Variants in SP7 observed in about 807,000 individuals in gnomAD.
The protein encoded by SP7 is transcription factor Sp7.
A neutral mutation model predicts 27.9 loss-of-function variants in SP7; 13 were observed. The ratio of observed to expected loss-of-function variants is 0.47; its 90% CI spans 0.30 to 0.74. The LOEUF (loss-of-function observed/expected upper bound fraction) is 0.74. SP7 is among the 30% of genes least tolerant of loss of function. The pLI is 0.06. For missense variants in SP7, 525 were observed against 558.0 expected, an observed-to-expected ratio of 0.94 and a Z score of 0.60; for synonymous variants, 219 against 226.7, an observed-to-expected ratio of 0.97 and a Z score of 0.31.
chr12:53,332,693 A>G (rs1944719607), intron 2 of SP7, among the ~76,000 whole-genome samples: 1 of 152,210 alleles, frequency 6.6e-6, no homozygotes, highest in South Asian at 2.1e-4. Flanking sequence ...TGGGCTAGAA[A>G]AGCAAAGGAA....
At chr12:53,342,170 G>C (rs1229354146) in intron 1 of SP7, among the ~76,000 whole-genome samples, 2 of 151,960 alleles carry the variant, frequency 1.3e-5, no homozygotes, top group Non-Finnish European at 2.9e-5. Context: ...GGCTGAGGTA[G>C]GAGAATCACT....
rs7138938 is a variant in SP7 at position 53,328,314 on chromosome 12, A to C, written c.1128T>G (p.His376Gln). 6.2e-7 allele frequency: 1 copy of C among 1,611,134 alleles called. No homozygotes were observed. The highest frequency in any genetic ancestry group is 8.5e-7 in the Non-Finnish European group (1 of 1,178,226). ...SDHLSKHQRT[H>Q]GEPGPGPPPS... ...GAGGGGGACCCGGGCCTGGTTCTCC[A>C]TGGGTGCGCTGGTGTTTGCTCAGGT... The change falls in exon 3 of 3, where the codon CAT becomes CAG. Residue 376 changes from histidine (H) to glutamine (Q), a missense_variant. Coordinates refer to ENST00000536324, the MANE Select transcript of SP7 (RefSeq NM_001173467.3). This position sits in a 1 kb window ranked among gnomAD's most constrained non-coding sequence, Gnocchi z 5.1.
chr12:53,342,848 A>AAAAAT (rs1374886661), intron 1 of SP7, among the ~76,000 whole-genome samples: 2 of 151,118 alleles, frequency 1.3e-5, no homozygotes, highest in Admixed American at 6.6e-5. Flanking sequence ...AATAAATAAT[A>AAAAAT]AAAATAAAAT....
chr12:53,335,417 C>T (rs1944755627), intron 2 of SP7, among the ~76,000 whole-genome samples: 2 of 151,820 alleles, frequency 1.3e-5, no homozygotes, highest in African/African-American at 4.8e-5. Flanking sequence ...TTCCACTGCC[C>T]TCTGACCCCT....
chr12:53,340,938 G>T (rs769191299), upstream of SP7, among the ~76,000 whole-genome samples: 9 of 152,268 alleles, frequency 5.9e-5, no homozygotes, highest in Middle Eastern at 3.4e-3. Context: ...ATCCATTCAT[G>T]GCCTCAGGAT....
chr12:53,331,224 C>A (rs1241330561), intron 2 of SP7, among the ~76,000 whole-genome samples: 1 of 152,108 alleles, frequency 6.6e-6, no homozygotes, highest in Admixed American at 6.5e-5. Flanking sequence ...GTAATCCCAG[C>A]ACTTTGGGAA....
Position 53,328,530 on chromosome 12 carries a change from C to T in SP7, c.912G>A (p.Val304=), listed in dbSNP as rs1320472245. The T allele has an allele frequency of 1.9e-6, 3 of 1,613,230 alleles. No homozygotes were observed. The highest frequency in any genetic ancestry group is 1.7e-6 in the Non-Finnish European group (2 of 1,179,302). The change falls in exon 3 of 3, where the codon GTG becomes GTA. Residue 304 remains valine, a synonymous_variant. Coordinates refer to ENST00000536324, the MANE Select transcript of SP7 (RefSeq NM_001173467.3). This position sits in a 1 kb window ranked among gnomAD's most constrained non-coding sequence, Gnocchi z 5.1. The part of the protein sequence containing the change: ...HSCHIPGCGK[V]YGKASHLKAH... ...CCTTCAGGTGCGAAGCCTTGCCATA[C>T]ACCTTGCCGCAGCCAGGGATGTGGC...
chr12:53,335,757 G>A lies in SP7; in HGVS notation c.-47-64C>T, dbSNP rs1289652060. On this transcript the variant is annotated intron_variant, in intron 1 of 2. Coordinates refer to ENST00000536324, the MANE Select transcript of SP7 (RefSeq NM_001173467.3). ...AGAGGGAGGGAGAATGGGAGAATGG[G>A]AGAGAAGAGATCTAAAGTTAGAAGG... The A allele has an allele frequency of 2.4e-6, 3 of 1,228,818 alleles. No homozygotes were observed. The East Asian group carries it at 1.5e-4, about 63-fold the overall frequency. The allele number at this position is 1,228,818 out of a possible 1,614,324, so 76.1% of individuals were successfully genotyped here.
upstream of SP7, among the ~76,000 whole-genome samples, chr12:53,340,976 G>A (rs748671876): frequency 2.6e-5 from 4 of 152,190 alleles, no homozygotes; most frequent in African/African-American, 9.7e-5. Flanking sequence ...CCTTGACCCA[G>A]CATTTCTGAC....
At chr12:53,341,968 A>G (rs1944826562) in intron 1 of SP7, among the ~76,000 whole-genome samples, 1 of 152,056 alleles carries the variant, frequency 6.6e-6, no homozygotes, top group African/African-American at 2.4e-5. Flanking sequence ...GCTGAGGCAG[A>G]AGAATGGCGT....
At chr12:53,341,917 G>A (rs7300623) in intron 1 of SP7, among the ~76,000 whole-genome samples, 26,846 of 152,052 alleles carry the variant, frequency 0.18, 2,506 homozygotes, top group South Asian at 0.21. Context: ...AAAATTAGCC[G>A]GGCGTGGTGG....
intron 1 of SP7, among the ~76,000 whole-genome samples, chr12:53,343,957 A>T (rs1944842797): frequency 6.6e-6 from 1 of 152,112 alleles, no homozygotes. Context: ...CTGAGACATG[A>T]GAATCTCTTG....
At position 53,328,057 on chromosome 12, in the gene SP7, G is replaced by T; in HGVS notation, c.*89C>A. 7.6e-7 allele frequency: 1 copy of T among 1,321,798 alleles called. No homozygotes were observed. Among genetic ancestry groups the T allele is most frequent in the South Asian group, 1.5e-5 (1 of 66,818 alleles). 81.9% of individuals were successfully genotyped at this position (1,321,798 alleles called of 1,614,324 possible). ...GAGAGCCCCGAAGGATGGCATGCAT[G>T]GGGTAAAGAGAGTGATTGGCAAGCA... On this transcript the variant is annotated 3_prime_UTR_variant, in exon 3 of 3. Transcript: ENST00000536324. This position sits in a 1 kb window ranked among gnomAD's most constrained non-coding sequence, Gnocchi z 5.1.
rs1366962286 is a variant in SP7, at chr12:53,344,135, AG to A, written c.-34+978del. 6.6e-6 allele frequency among the ~76,000 whole-genome samples: 1 copy of A among 152,078 alleles called. No homozygotes were observed. Among genetic ancestry groups the A allele is most frequent in the East Asian group, 1.9e-4 (1 of 5,200 alleles). ...AGGATTTGGTGTCCAATCAGATGTG[AG>A]GGGTGAGTAGTCACACATGACTTCC... On this transcript the variant is annotated intron_variant, in intron 1 of 1. Coordinates refer to the SP7 transcript ENST00000547755. This position sits in a 1 kb window ranked among gnomAD's most constrained non-coding sequence, Gnocchi z 4.6.
chr12:53,329,977 G>A (rs1026303712), intron 2 of SP7, among the ~76,000 whole-genome samples: 8 of 151,664 alleles, frequency 5.3e-5, no homozygotes, highest in Admixed American at 3.3e-4. Flanking sequence ...CAGGTGATCC[G>A]CCCACCTCGG....
At chr12:53,335,836 C>A in intron 1 of SP7, 143 bp from the exon 2 acceptor site, 1 of 1,404,734 alleles carries the variant, frequency 7.1e-7, no homozygotes, top group Non-Finnish European at 9.2e-7. Flanking sequence ...CTAATTACAG[C>A]TTTCCCAGCG....
Position 53,328,658 on chromosome 12 carries a change from C to G in SP7, c.784G>C (p.Gly262Arg). The G allele has an allele frequency of 6.2e-7, 1 of 1,610,392 alleles. No homozygotes were observed. ...CAGGAGGAGCGCCCTGCCCCACTGC[C>G]CCCATATCCACCACTACCCCCAGTG... ...ASTGGSGGYG[G>R]SGAGRSSCDC... Residue 262 changes from glycine to arginine, a missense_variant, in exon 3 of 3, where the codon GGC becomes CGC. Coordinates refer to ENST00000536324, the MANE Select transcript of SP7 (RefSeq NM_001173467.3). The surrounding 1 kb of genome is among the most constrained non-coding windows in gnomAD (Gnocchi z 5.1).
At position 53,328,342 on chromosome 12, in the gene SP7, T is replaced by A. The variant is rs1944658057; in HGVS notation, c.1100A>T (p.Asp367Val). ...LLCSKRFTRS[D>V]HLSKHQRTHG... The stretch of plus-strand genomic sequence containing the variant: ...GGTGCGCTGGTGTTTGCTCAGGTGG[T>A]CGCTTCGGGTAAAGCGCTTGGAGCA... Residue 367 changes from aspartate (D) to valine (V), a missense_variant, in exon 3 of 3, where the codon GAC becomes GTC. By Grantham distance (152) the Asp-to-Val change is radical. Transcript: ENST00000536324. The surrounding 1 kb of genome is among the most constrained non-coding windows in gnomAD (Gnocchi z 5.1). 6.2e-7 allele frequency: 1 copy of A among 1,612,132 alleles called. No individual in the cohort carries two copies. Among genetic ancestry groups the A allele is most frequent in the African/African-American group, 1.3e-5 (1 of 74,998 alleles).
upstream of SP7, among the ~76,000 whole-genome samples, chr12:53,338,483 G>A (rs1363006628): frequency 6.6e-6 from 1 of 152,164 alleles, no homozygotes; most frequent in Non-Finnish European, 1.5e-5. Context: ...AGGGGGTTGG[G>A]ACTCAGATTA....
Sources: gnomAD v4.1 joint callset for allele counts (sites outside exome capture counted in the v4.1 genomes callset) on GRCh38, gnomAD v4.1.1 for gene constraint, Gnocchi (gnomAD v3.1) non-coding constraint, MANE v1.5 for transcripts, NCBI Gene and HGNC (gene_info 2026-07-23, HGNC 2026-07-21) for gene names.